METTL24: variants seen among roughly 807,000 people sequenced by gnomAD.
METTL24 encodes methyltransferase like 24, also known as probable methyltransferase-like protein 24.
METTL24 carries 29 observed loss-of-function variants against 32.7 expected under a neutral mutation model. The ratio of observed to expected loss-of-function variants is 0.89; its 90% CI spans 0.66 to 1.21. METTL24 has a LOEUF of 1.21. Ranked by LOEUF, METTL24 falls within the 50% of genes most tolerant of loss-of-function variation. The pLI, the probability that METTL24 is intolerant of heterozygous loss-of-function variation, is 0.00. For synonymous variants in METTL24, 163 were observed against 179.5 expected (o/e 0.91, Z 0.73); for missense variants, 439 against 468.1 (o/e 0.94, Z 0.57).
chr6:110,268,308 AGTG>A (rs1770895139), intron 4 of METTL24, among the ~76,000 whole-genome samples: 1 of 152,192 alleles, frequency 6.6e-6, no homozygotes, highest in Non-Finnish European at 1.5e-5. Flanking sequence ...ATATCTATTA[AGTG>A]GTGGAATCAG....
At chr6:110,321,037 G>C (rs1771921751) in intron 2 of METTL24, among the ~76,000 whole-genome samples, 2 of 152,132 alleles carry the variant, frequency 1.3e-5, no homozygotes, top group Admixed American at 1.3e-4. Context: ...AGGAGTTCAA[G>C]ACCAGCCTGG....
intron 4 of METTL24, among the ~76,000 whole-genome samples, chr6:110,297,040 A>G (rs888927790): frequency 6.6e-6 from 1 of 152,250 alleles, no homozygotes; most frequent in Non-Finnish European, 1.5e-5. Flanking sequence ...GAATATCAAT[A>G]TCTTTTAAAT....
intron 1 of METTL24, among the ~76,000 whole-genome samples, chr6:110,323,347 C>T (rs1340786151): frequency 6.6e-6 from 1 of 152,168 alleles, no homozygotes; most frequent in Non-Finnish European, 1.5e-5. Flanking sequence ...GTTTATCTTC[C>T]TCAGTGCAGG....
intron 4 of METTL24, among the ~76,000 whole-genome samples, chr6:110,289,937 C>T (rs569076106): frequency 1.3e-4 from 19 of 151,068 alleles, no homozygotes; most frequent in Non-Finnish European, 2.4e-4. Flanking sequence ...GAAATTCGTA[C>T]AGTTTAAGGA....
chr6:110,282,540 A>G (rs1771156935), intron 4 of METTL24, among the ~76,000 whole-genome samples: 1 of 152,148 alleles, frequency 6.6e-6, no homozygotes, highest in South Asian at 2.1e-4. Flanking sequence ...TTACCTTGCT[A>G]TTCACACAAC....
Position 110,246,015 on chromosome 6 carries a change from G to C in METTL24, c.1032C>G (p.Phe344Leu). The C allele has an allele frequency of 1.9e-6, 3 of 1,614,152 alleles. No individual in the cohort carries two copies. The highest frequency in any genetic ancestry group is 2.5e-6 in the Non-Finnish European group (3 of 1,180,010). Residue 344 changes from phenylalanine to leucine, a missense_variant, in exon 5 of 5, where the codon TTC becomes TTG. Transcript: ENST00000338882. Reference sequence around the variant, plus strand: ...TTGCATTGAAAATGTCTTTCTTCAAGAATAGCTGAGGTTTAGATAAGTCTT... The same window carrying C: ...TTGCATTGAAAATGTCTTTCTTCAACAATAGCTGAGGTTTAGATAAGTCTT... ...SYKDLSKPQL[F>L]LKKDIFNASS...
intron 4 of METTL24, among the ~76,000 whole-genome samples, chr6:110,275,286 C>T (rs1771028756): frequency 6.6e-6 from 1 of 152,186 alleles, no homozygotes; most frequent in Non-Finnish European, 1.5e-5. Flanking sequence ...CTCTTCAAAA[C>T]CTAAGCCCAA....
chr6:110,295,790 A>AAGG lies in METTL24; in HGVS notation c.786+3131_786+3132insCCT, dbSNP rs1562228476. On this transcript the variant is annotated intron_variant, in intron 4 of 4. Coordinates refer to ENST00000338882, the MANE Select transcript of METTL24 (RefSeq NM_001123364.3). ...ATTTTCCCCGGGAAAGAAAAGAAAG[A>AAGG]AAGAAAGGAAGGAAGGAAGGAAGGA... Among the ~76,000 whole-genome samples the AAGG allele has an allele frequency of 2.4e-4, 23 of 94,428 alleles. 1 individual carries two copies. Among genetic ancestry groups the AAGG allele is most frequent in the African/African-American group, 8.9e-4 (13 of 14,602 alleles). The allele number at this position is 94,428 out of a possible 152,430, so 61.9% of individuals were successfully genotyped here.
intron 1 of METTL24, among the ~76,000 whole-genome samples, chr6:110,349,527 C>G (rs1333348607): frequency 1.3e-5 from 2 of 152,144 alleles, no homozygotes; most frequent in Non-Finnish European, 2.9e-5. Context: ...CATAAACTGG[C>G]CCCTCCCACC....
At chr6:110,314,347 T>A (rs11756210) in intron 3 of METTL24, among the ~76,000 whole-genome samples, 6 of 152,062 alleles carry the variant, frequency 3.9e-5, no homozygotes, top group Admixed American at 3.3e-4. Flanking sequence ...TTCTTTTTTT[T>A]AAGCCATATA....
intron 4 of METTL24, among the ~76,000 whole-genome samples, chr6:110,266,831 G>A (rs542121788): frequency 6.6e-6 from 1 of 152,242 alleles, no homozygotes; most frequent in South Asian, 2.1e-4. Context: ...TATTTTTCTT[G>A]AAGAAGCAGA....
In METTL24 at chr6:110,274,860, G is replaced by A. The variant is rs540304430; in HGVS notation, c.786+24062C>T. ...GTCATCCAGGCCAGAGTGCAGTGGC[G>A]CCATCTTGGCTCACTACAACCTCCA... On this transcript the variant is annotated intron_variant, in intron 4 of 4. Coordinates refer to ENST00000338882, the MANE Select transcript of METTL24 (RefSeq NM_001123364.3). Among the ~76,000 whole-genome samples, 136 of 138,174 alleles carry A rather than the reference G, an allele frequency of 9.8e-4. 2 individuals are homozygous for A. The South Asian group carries it at 0.029, about 29-fold the overall frequency. The allele number at this position is 138,174 out of a possible 152,430, so 90.6% of individuals were successfully genotyped here. A position where few individuals can be genotyped will look rare whatever the true frequency, so the allele number is the denominator to read the frequency against.
intron 3 of METTL24, among the ~76,000 whole-genome samples, chr6:110,308,719 A>C (rs1049939982): frequency 6.6e-6 from 1 of 152,244 alleles, no homozygotes; most frequent in East Asian, 1.9e-4. Flanking sequence ...AATAAATAAA[A>C]TGTGATGTAA....
intron 3 of METTL24, among the ~76,000 whole-genome samples, chr6:110,300,289 G>A (rs1771496354): frequency 6.6e-6 from 1 of 152,028 alleles, no homozygotes; most frequent in African/African-American, 2.4e-5. Flanking sequence ...AGAACCAACC[G>A]CCAACCCCAT....
intron 4 of METTL24, among the ~76,000 whole-genome samples, chr6:110,263,406 C>T (rs896731468): frequency 6.6e-6 from 1 of 152,158 alleles, no homozygotes; most frequent in African/African-American, 2.4e-5. Flanking sequence ...AGGAATCCAA[C>T]TTACAAAGGA....
chr6:110,334,941 G>A (rs989448081), intron 1 of METTL24, among the ~76,000 whole-genome samples: 5 of 152,126 alleles, frequency 3.3e-5, no homozygotes, highest in Admixed American at 6.6e-5. Flanking sequence ...ACATTTTTCT[G>A]TCTGAATGCA....
chr6:110,246,950 TAA>T (rs5879062), intron 4 of METTL24, among the ~76,000 whole-genome samples: 9 of 143,146 alleles, frequency 6.3e-5, no homozygotes, highest in Admixed American at 7.0e-5. Context: ...ATAGCATTCT[TAA>T]AAAAAAAAAA....
intron 3 of METTL24, among the ~76,000 whole-genome samples, chr6:110,311,468 GTTTT>G (rs1051868507): frequency 3.1e-5 from 3 of 96,140 alleles, no homozygotes; most frequent in Non-Finnish European, 6.0e-5. Flanking sequence ...TTCTTTCTTT[GTTTT>G]TTTTTTTTTT....
intron 4 of METTL24, among the ~76,000 whole-genome samples, chr6:110,293,680 C>G (rs899696846): frequency 6.6e-6 from 1 of 151,738 alleles, no homozygotes; most frequent in Non-Finnish European, 1.5e-5. Flanking sequence ...TATAAACATT[C>G]TTAAAAATGA....
Sources: gnomAD v4.1 joint callset for allele counts (sites outside exome capture counted in the v4.1 genomes callset) on GRCh38, gnomAD v4.1.1 for gene constraint, MANE v1.5 for transcripts, NCBI Gene and HGNC (gene_info 2026-07-23, HGNC 2026-07-21) for gene names.